Variants in UNC5D observed in about 807,000 individuals in gnomAD.
The protein encoded by UNC5D is netrin receptor UNC5D.
In UNC5D, 39 loss-of-function variants were observed where a neutral mutation model predicts 105.4. The ratio of observed to expected loss-of-function variants is 0.37; its 90% confidence interval spans 0.29 to 0.48. UNC5D has a LOEUF of 0.48. Ranked by LOEUF, UNC5D falls within the 20% of genes least tolerant of loss-of-function variation. UNC5D has a pLI of 0.98. For missense variants in UNC5D, 991 were observed against 1,202.4 expected (o/e 0.82, Z 2.60); for synonymous variants, 452 against 450.4 (o/e 1.00, Z -0.04).
intron 1 of UNC5D, among the ~76,000 whole-genome samples, chr8:35,513,907 A>G (rs1004332280): frequency 5.9e-5 from 9 of 152,204 alleles, no homozygotes; most frequent in African/African-American, 2.2e-4. Flanking sequence ...TACATCCCTT[A>G]TTTGTTTAAC....
intron 1 of UNC5D, among the ~76,000 whole-genome samples, chr8:35,260,048 G>T (rs935294838): frequency 2.3e-4 from 35 of 152,070 alleles, no homozygotes; most frequent in African/African-American, 8.0e-4. Flanking sequence ...TCCTTCTTTG[G>T]CAATGATTTG....
intron 1 of UNC5D, among the ~76,000 whole-genome samples, chr8:35,543,248 C>T (rs1002132819): frequency 6.6e-6 from 1 of 151,896 alleles, no homozygotes; most frequent in South Asian, 2.1e-4. Flanking sequence ...ACTTTGGAGA[C>T]AGAAAAGGAG....
intron 12 of UNC5D, 110 bp downstream of exon 12, chr8:35,748,805 G>C (rs944826255): frequency 3.9e-6 from 5 of 1,290,466 alleles, no homozygotes; most frequent in Non-Finnish European, 4.2e-6. Context: ...GTTGGCAAAG[G>C]GTTGGTGGCA....
intron 7 of UNC5D, among the ~76,000 whole-genome samples, chr8:35,701,474 G>C (rs1296009750): frequency 1.3e-5 from 2 of 152,100 alleles, no homozygotes; most frequent in East Asian, 3.9e-4. Flanking sequence ...TGGATATGTA[G>C]GGATGATGTT....
chr8:35,509,601 C>T (rs1812565280), intron 1 of UNC5D, among the ~76,000 whole-genome samples: 2 of 148,830 alleles, frequency 1.3e-5, no homozygotes, highest in Admixed American at 1.3e-4. Flanking sequence ...TCCTTTCTCA[C>T]TGTGAGCATA....
chr8:35,569,567 C>T (rs970927602), intron 3 of UNC5D, among the ~76,000 whole-genome samples: 2 of 152,136 alleles, frequency 1.3e-5, no homozygotes, highest in African/African-American at 2.4e-5. Flanking sequence ...TTCTGATAGG[C>T]CAGGGAGAAG....
rs899037069 is a variant in UNC5D, at chr8:35,696,044, C to A, written c.1084+9335C>A. Among the ~76,000 whole-genome samples the A allele has an allele frequency of 1.3e-5, 2 of 152,020 alleles. 1 individual carries two copies. The highest frequency in any genetic ancestry group is 6.3e-3 in the Middle Eastern group (2 of 316). On this transcript the variant is annotated intron_variant, in intron 7 of 16. Transcript: ENST00000404895. ...GAAAATATTTTTTATAAAGCAAATC[C>A]TAATTTGTCAACACAAATTCAAAAA...
intron 1 of UNC5D, among the ~76,000 whole-genome samples, chr8:35,344,053 A>G (rs1021011867): frequency 6.6e-6 from 1 of 152,072 alleles, no homozygotes; most frequent in East Asian, 1.9e-4. Context: ...TGTGGGAGGT[A>G]GTGGCTTGAA....
Position 35,507,259 on chromosome 8 carries a change from T to G in UNC5D, c.104-42033T>G, listed in dbSNP as rs576653584. The stretch of plus-strand genomic sequence containing the variant: ...TTTAGTAGAGACGGGGTTTCACCGT[T>G]TTAGCCAGGATGGTCTCGATTTCCT... On this transcript the variant is annotated intron_variant, in intron 1 of 16. Transcript: ENST00000404895. Among the ~76,000 whole-genome samples, 268 of 151,764 alleles carry G rather than the reference T, an allele frequency of 1.8e-3. 1 individual carries two copies. Among genetic ancestry groups the G allele is most frequent in the Admixed American group, 3.6e-3 (55 of 15,256 alleles).
intron 1 of UNC5D, among the ~76,000 whole-genome samples, chr8:35,252,419 T>A (rs1342253770): frequency 6.6e-6 from 1 of 152,194 alleles, no homozygotes; most frequent in Non-Finnish European, 1.5e-5. Flanking sequence ...TTGTGCTTAT[T>A]CTGTTGTTTT....
At chr8:35,421,107 C>T (rs563944055) in intron 1 of UNC5D, among the ~76,000 whole-genome samples, 1 of 152,228 alleles carries the variant, frequency 6.6e-6, no homozygotes, top group East Asian at 1.9e-4. Flanking sequence ...TCTTCTGTGC[C>T]CATATCAAGG....
intron 16 of UNC5D, among the ~76,000 whole-genome samples, chr8:35,788,593 A>G (rs753911450): frequency 2.0e-5 from 3 of 152,102 alleles, no homozygotes; most frequent in Non-Finnish European, 4.4e-5. Context: ...ATAAACACCT[A>G]TCATAGTATT....
At chr8:35,558,177 G>T (rs925139040) in intron 2 of UNC5D, among the ~76,000 whole-genome samples, 1 of 151,146 alleles carries the variant, frequency 6.6e-6, no homozygotes, top group Non-Finnish European at 1.5e-5. Flanking sequence ...AGCTCCTTGA[G>T]GGTAGGTATC....
chr8:35,587,041 A>G (rs781360602), intron 3 of UNC5D, among the ~76,000 whole-genome samples: 1 of 152,068 alleles, frequency 6.6e-6, no homozygotes, highest in Non-Finnish European at 1.5e-5. Context: ...CAGATATACT[A>G]CTTATTGGCA....
chr8:35,411,144 G>A (rs1286312714), intron 1 of UNC5D, among the ~76,000 whole-genome samples: 1 of 152,026 alleles, frequency 6.6e-6, no homozygotes, highest in Non-Finnish European at 1.5e-5. Flanking sequence ...CACCTAGTTA[G>A]TACAGGACAG....
Position 35,457,013 on chromosome 8 carries a change from A to T in UNC5D, c.104-92279A>T, listed in dbSNP as rs527930866. ...TTCTCGAGGTTTTGAGTTTTCACTC[A>T]AATTTATTGTATGTCCTTGAGCAAG... On this transcript the variant is annotated intron_variant, in intron 1 of 16. Coordinates refer to ENST00000404895, the MANE Select transcript of UNC5D (RefSeq NM_080872.4). Among the ~76,000 whole-genome samples, 3 of 152,304 alleles carry T rather than the reference A, an allele frequency of 2.0e-5. No homozygotes were observed. In the East Asian group the frequency reaches 5.8e-4, roughly 29 times the overall value.
chr8:35,715,910 T>C (rs1012752263), intron 8 of UNC5D, among the ~76,000 whole-genome samples: 3 of 150,730 alleles, frequency 2.0e-5, no homozygotes, highest in African/African-American at 7.3e-5. Flanking sequence ...AGGTGAGGAG[T>C]AGGGGTCTTG....
intron 1 of UNC5D, among the ~76,000 whole-genome samples, chr8:35,334,808 C>CTGG (rs1361521856): frequency 6.6e-6 from 1 of 152,140 alleles, no homozygotes; most frequent in East Asian, 1.9e-4. Context: ...GCCACCACAC[C>CTGG]TGGCCTAAAC....
At chr8:35,780,330 C>A (rs1802445793) in intron 16 of UNC5D, among the ~76,000 whole-genome samples, 1 of 152,178 alleles carries the variant, frequency 6.6e-6, no homozygotes, top group South Asian at 2.1e-4. Context: ...AATTTGTTTC[C>A]CATGAAATCT....
Sources: gnomAD v4.1 joint callset for allele counts (sites outside exome capture counted in the v4.1 genomes callset) on GRCh38, gnomAD v4.1.1 for gene constraint, MANE v1.5 for transcripts, NCBI Gene and HGNC (gene_info 2026-07-23, HGNC 2026-07-21) for gene names.